MACROD2: variants seen among roughly 807,000 people sequenced by gnomAD.
MACROD2 encodes ADP-ribose glycohydrolase MACROD2.
MACROD2 carries 36 observed loss-of-function variants against 70.4 expected under a neutral mutation model. That is an observed-to-expected ratio of 0.51 (90% CI 0.39 to 0.68). The LOEUF is 0.68. Ranked by LOEUF, MACROD2 falls within the 30% of genes least tolerant of loss-of-function variation. The probability of loss-of-function intolerance (pLI) is 0.00; values close to 1 mark genes in which losing one functional copy is unlikely to be tolerated. For missense variants in MACROD2, 496 were observed against 538.4 expected (o/e 0.92, Z 0.78); for synonymous variants, 172 against 178.8 (o/e 0.96, Z 0.30).
chr20:14,649,817 G>A (rs927111557), intron 4 of MACROD2, among the ~76,000 whole-genome samples: 1 of 152,148 alleles, frequency 6.6e-6, no homozygotes, highest in African/African-American at 2.4e-5. Context: ...CCCTTTGTTA[G>A]AACTCTACAT....
intron 5 of MACROD2, among the ~76,000 whole-genome samples, chr20:14,754,961 A>G (rs1014491522): frequency 2.0e-5 from 3 of 152,044 alleles, no homozygotes; most frequent in Non-Finnish European, 4.4e-5. Context: ...TCATGACCCT[A>G]AAAATGGCTT....
intron 8 of MACROD2, among the ~76,000 whole-genome samples, chr20:15,726,994 A>C (rs58816098): frequency 0.057 from 8,628 of 152,216 alleles, 326 homozygotes; most frequent in East Asian, 0.15. Flanking sequence ...TTTGTCATGA[A>C]ACCTTTGTCA....
At chr20:15,910,595 A>C (rs1164594028) in intron 10 of MACROD2, among the ~76,000 whole-genome samples, 1 of 152,230 alleles carries the variant, frequency 6.6e-6, no homozygotes, top group East Asian at 1.9e-4. Context: ...CATATGCAAC[A>C]GCACATGTAG....
intron 5 of MACROD2, among the ~76,000 whole-genome samples, chr20:14,699,822 CTAGAAGTTTAAAGTTTAAA>C (rs1322868287): frequency 0.034 from 4,615 of 134,474 alleles, 256 homozygotes; most frequent in Non-Finnish European, 0.044. Context: ...CTTTTTAAAT[CTAGAAGTTTAAAGTTTAAA>C]CTTTTTAAAT....
chr20:15,090,157 C>T lies in MACROD2; in HGVS notation c.419-139783C>T, dbSNP rs534674910. On this transcript the variant is annotated intron_variant, in intron 5 of 17. Transcript: ENST00000684519. Reference sequence around the variant, plus strand: ...AAAGATATATGTTGACCTGCTACAGCAGTAATATATGCTAGGACATATAAT... The same window carrying T: ...AAAGATATATGTTGACCTGCTACAGTAGTAATATATGCTAGGACATATAAT... Among the ~76,000 whole-genome samples, 143 of 151,756 alleles carry T rather than the reference C, an allele frequency of 9.4e-4. 2 individuals carry two copies. Among genetic ancestry groups the T allele is most frequent in the Admixed American group, 3.2e-3 (49 of 15,208 alleles).
chr20:15,477,542 G>A (rs117199552), intron 7 of MACROD2, among the ~76,000 whole-genome samples: 1,593 of 152,156 alleles, frequency 0.01, 13 homozygotes, highest in South Asian at 0.017. Context: ...CATCTGAGAG[G>A]CAATCCCTCT....
At chr20:15,119,148 T>G (rs1287165771) in intron 5 of MACROD2, among the ~76,000 whole-genome samples, 1 of 152,210 alleles carries the variant, frequency 6.6e-6, no homozygotes, top group Admixed American at 6.5e-5. Flanking sequence ...ATTTGTACCA[T>G]TTGGAAACCA....
chr20:15,020,643 G>A (rs977003921), intron 5 of MACROD2, among the ~76,000 whole-genome samples: 1 of 152,024 alleles, frequency 6.6e-6, no homozygotes, highest in African/African-American at 2.4e-5. Flanking sequence ...ACATGGTATA[G>A]CCTACTACAC....
At chr20:14,259,089 T>C (rs1357830893) in intron 3 of MACROD2, among the ~76,000 whole-genome samples, 6 of 152,128 alleles carry the variant, frequency 3.9e-5, no homozygotes, top group Non-Finnish European at 8.8e-5. Context: ...ATTACAGCCA[T>C]GTACCACCAT....
At chr20:15,725,412 T>C (rs915940260) in intron 8 of MACROD2, among the ~76,000 whole-genome samples, 4 of 152,212 alleles carry the variant, frequency 2.6e-5, no homozygotes, top group Non-Finnish European at 4.4e-5. Context: ...AGGAAAGCAA[T>C]TGACTTGCAT....
At chr20:14,785,174 A>AC (rs61220580) in intron 5 of MACROD2, among the ~76,000 whole-genome samples, 17 of 150,994 alleles carry the variant, frequency 1.1e-4, no homozygotes, top group African/African-American at 2.9e-4. Context: ...AACACACACA[A>AC]ACACACACAC....
chr20:15,421,260 C>T (rs988814821), intron 6 of MACROD2, among the ~76,000 whole-genome samples: 21 of 151,960 alleles, frequency 1.4e-4, no homozygotes, highest in African/African-American at 4.4e-4. Context: ...CACCTGTAGT[C>T]CCAGCTATTC....
chr20:14,128,913 G>T (rs2054685022), intron 3 of MACROD2, among the ~76,000 whole-genome samples: 1 of 152,018 alleles, frequency 6.6e-6, no homozygotes, highest in Non-Finnish European at 1.5e-5. Flanking sequence ...CAGCTGCTCA[G>T]AAAAAAAGAT....
rs535352085 is a variant in MACROD2 at position 15,935,025 on chromosome 20, C to T, written c.838+1687C>T. ...TTATCGAAAAAGATTGTTTCCATCC[C>T]TGTACATACATGTACACACGCACAC... On this transcript the variant is annotated intron_variant, in intron 11 of 17. Transcript: ENST00000684519. 3.2e-3 allele frequency among the ~76,000 whole-genome samples: 486 copies of T among 152,260 alleles called. 5 individuals are homozygous for T. The highest frequency in any genetic ancestry group is 0.011 in the African/African-American group (458 of 41,546).
chr20:14,025,310 C>T (rs765164364), intron 2 of MACROD2, among the ~76,000 whole-genome samples: 17 of 152,040 alleles, frequency 1.1e-4, no homozygotes, highest in Non-Finnish European at 2.2e-4. Context: ...GTCTTCAAAA[C>T]ACCAGCTCCT....
chr20:14,838,914 A>G (rs1186816555), intron 5 of MACROD2, among the ~76,000 whole-genome samples: 3 of 152,110 alleles, frequency 2.0e-5, no homozygotes, highest in African/African-American at 4.8e-5. Context: ...AGCAGGAGAC[A>G]TAGAATCACA....
intron 4 of MACROD2, among the ~76,000 whole-genome samples, chr20:14,639,604 T>A (rs1984981755): frequency 6.6e-6 from 1 of 152,142 alleles, no homozygotes; most frequent in South Asian, 2.1e-4. Flanking sequence ...TTGCCACCAT[T>A]TTTCCTCTTT....
At chr20:14,453,960 C>T (rs1289435620) in intron 3 of MACROD2, among the ~76,000 whole-genome samples, 1 of 151,722 alleles carries the variant, frequency 6.6e-6, no homozygotes. Context: ...ACCCCTATTA[C>T]ATTATGTTTT....
intron 5 of MACROD2, among the ~76,000 whole-genome samples, chr20:14,771,534 T>C (rs2072165197): frequency 6.6e-6 from 1 of 151,874 alleles, no homozygotes; most frequent in Admixed American, 6.6e-5. Context: ...TGTTAATATG[T>C]GTGTGACACA....
Sources: gnomAD v4.1 joint callset for allele counts (sites outside exome capture counted in the v4.1 genomes callset) on GRCh38, gnomAD v4.1.1 for gene constraint, MANE v1.5 for transcripts, NCBI Gene and HGNC (gene_info 2026-07-23, HGNC 2026-07-21) for gene names.